The following KSR2 variants were observed in gnomAD, a reference collection of about 807,000 sequenced individuals.
The protein encoded by KSR2 is kinase suppressor of ras 2.
KSR2 carries 25 observed loss-of-function variants against 107.8 expected under a neutral mutation model. The ratio of observed to expected loss-of-function variants is 0.23; its 90% CI spans 0.17 to 0.32. The LOEUF is 0.32. KSR2 is among the 10% of genes least tolerant of loss of function. KSR2 has a pLI of 1.00. For synonymous variants in KSR2, 480 were observed against 507.0 expected (o/e 0.95, Z 0.71); for missense variants, 887 against 1,268.9 (o/e 0.70, Z 4.57).
chr12:117,607,803 GAC>G, intron 5 of KSR2, among the ~76,000 whole-genome samples: 1 of 152,208 alleles, frequency 6.6e-6, no homozygotes, highest in Non-Finnish European at 1.5e-5. Flanking sequence ...GAGGCCGACA[GAC>G]AGGTGTGACA....
At chr12:117,643,238 C>A (rs1265149737) in intron 5 of KSR2, among the ~76,000 whole-genome samples, 1 of 152,134 alleles carries the variant, frequency 6.6e-6, no homozygotes, top group Non-Finnish European at 1.5e-5. Flanking sequence ...GCCGGAAGCG[C>A]AAGACCAGCC....
intron 4 of KSR2, among the ~76,000 whole-genome samples, chr12:117,726,036 C>T (rs1433381092): frequency 3.3e-5 from 5 of 151,922 alleles, no homozygotes; most frequent in East Asian, 1.9e-4. Flanking sequence ...GGTGTGGTGG[C>T]GCACACCTGT....
chr12:117,606,087 T>A (rs1330664432), intron 5 of KSR2, among the ~76,000 whole-genome samples: 2 of 152,074 alleles, frequency 1.3e-5, no homozygotes, highest in Non-Finnish European at 2.9e-5. Flanking sequence ...AATGCTGTGA[T>A]TAGATGCTTG....
chr12:117,562,681 C>A (rs1467855396), intron 7 of KSR2, among the ~76,000 whole-genome samples: 1 of 152,162 alleles, frequency 6.6e-6, no homozygotes, highest in Admixed American at 6.5e-5. Context: ...TGGCCTGTTT[C>A]CTGCTCTCCT....
chr12:117,731,764 C>T (rs1050056702), intron 4 of KSR2, among the ~76,000 whole-genome samples: 8 of 151,644 alleles, frequency 5.3e-5, no homozygotes, highest in South Asian at 2.1e-4. Context: ...GAAACATGTG[C>T]TGTGTCCACT....
At chr12:117,795,835 T>C (rs1368089615) in intron 3 of KSR2, among the ~76,000 whole-genome samples, 4 of 152,116 alleles carry the variant, frequency 2.6e-5, no homozygotes, top group East Asian at 1.9e-4. Context: ...GGTCTCAAAC[T>C]CCTGGGCTCA....
chr12:117,658,491 G>A (rs991603518), intron 5 of KSR2, among the ~76,000 whole-genome samples: 1 of 152,192 alleles, frequency 6.6e-6, no homozygotes, highest in Non-Finnish European at 1.5e-5. Flanking sequence ...ACATCCATTT[G>A]TTTTGGTATT....
intron 3 of KSR2, among the ~76,000 whole-genome samples, chr12:117,817,095 T>C (rs902236850): frequency 3.3e-5 from 5 of 152,152 alleles, no homozygotes; most frequent in African/African-American, 1.2e-4. Flanking sequence ...AATATCCTTT[T>C]GCCAAATCTT....
chr12:117,606,902 G>A (rs532335768), intron 5 of KSR2, among the ~76,000 whole-genome samples: 1 of 152,180 alleles, frequency 6.6e-6, no homozygotes, highest in African/African-American at 2.4e-5. Flanking sequence ...ACTGGGAAGA[G>A]GGAGAAAAAG....
intron 3 of KSR2, among the ~76,000 whole-genome samples, chr12:117,841,089 C>G (rs1892457398): frequency 6.6e-6 from 1 of 151,796 alleles, no homozygotes; most frequent in African/African-American, 2.4e-5. Flanking sequence ...CAAACAATAG[C>G]TTGGGTACTT....
At chr12:117,594,232 G>T (rs940810381) in intron 5 of KSR2, among the ~76,000 whole-genome samples, 4 of 152,250 alleles carry the variant, frequency 2.6e-5, no homozygotes, top group East Asian at 3.9e-4. Context: ...CCATTCTGTG[G>T]AATTTACTGC....
intron 3 of KSR2, among the ~76,000 whole-genome samples, chr12:117,814,479 G>A (rs1171472094): frequency 6.6e-6 from 1 of 151,966 alleles, no homozygotes; most frequent in Non-Finnish European, 1.5e-5. Flanking sequence ...AAGGGTGGGG[G>A]GCTCTGCCAC....
At chr12:117,709,101 C>A (rs939124840) in intron 4 of KSR2, among the ~76,000 whole-genome samples, 1 of 152,154 alleles carries the variant, frequency 6.6e-6, no homozygotes, top group African/African-American at 2.4e-5. Flanking sequence ...CTTAAACACA[C>A]CTGCGAAGTC....
At chr12:117,900,435 G>A (rs1894646983) in intron 1 of KSR2, among the ~76,000 whole-genome samples, 1 of 152,128 alleles carries the variant, frequency 6.6e-6, no homozygotes, top group South Asian at 2.1e-4. Flanking sequence ...GGTCCTCAAA[G>A]AACATTAGAT....
intron 9 of KSR2, among the ~76,000 whole-genome samples, chr12:117,552,963 C>T (rs1877406179): frequency 6.6e-6 from 1 of 152,200 alleles, no homozygotes; most frequent in South Asian, 2.1e-4. Context: ...TGCTCTCTGT[C>T]CTAATTCCTG....
intron 5 of KSR2, among the ~76,000 whole-genome samples, chr12:117,610,835 C>G (rs370176995): frequency 6.6e-6 from 1 of 151,286 alleles, no homozygotes. Flanking sequence ...TAGAGACAGA[C>G]AGACAGACAG....
chr12:117,624,730 GT>G (rs1274973937), intron 5 of KSR2, among the ~76,000 whole-genome samples: 9 of 152,156 alleles, frequency 5.9e-5, no homozygotes, highest in Non-Finnish European at 1.0e-4. Context: ...CCTTAAAGTA[GT>G]TTTTTCCAAT....
At chr12:117,831,353 C>T (rs1891957195) in intron 3 of KSR2, among the ~76,000 whole-genome samples, 1 of 152,228 alleles carries the variant, frequency 6.6e-6, no homozygotes, top group African/African-American at 2.4e-5. Context: ...GCCCACCTTG[C>T]AAGAAGCAGG....
At chr12:117,848,784 G>GGTA (rs1566048141) in intron 3 of KSR2, among the ~76,000 whole-genome samples, 11 of 146,498 alleles carry the variant, frequency 7.5e-5, no homozygotes, top group African/African-American at 2.5e-4. Context: ...TGATGGTGGT[G>GGTA]GGTGGTGATG....
Sources: allele counts gnomAD v4.1 joint callset (sites outside exome capture counted in the v4.1 genomes callset), GRCh38; gene constraint gnomAD v4.1.1; transcripts MANE v1.5; gene names NCBI Gene and HGNC (gene_info 2026-07-23, HGNC 2026-07-21).